Variants in PPFIA2 observed in about 807,000 individuals in gnomAD.
The protein encoded by PPFIA2 is PPFI scaffold protein A2, also known as liprin-alpha-2.
PPFIA2 carries 46 observed loss-of-function variants against 175.5 expected under a neutral mutation model. The observed-to-expected ratio is 0.26, with a 90% confidence interval of 0.21 to 0.34. The LOEUF (loss-of-function observed/expected upper bound fraction) is 0.34, where lower values mean the gene tolerates loss of function less well. Among genes scored for constraint, PPFIA2 ranks in the 10% least tolerant of loss-of-function variants. The pLI is 1.00. For synonymous variants in PPFIA2, 568 were observed against 511.4 expected (o/e 1.11, Z -1.49); for missense variants, 1,179 against 1,506.1 (o/e 0.78, Z 3.60).
intron 7 of PPFIA2, among the ~76,000 whole-genome samples, chr12:81,432,298 C>T (rs1042270564): frequency 3.3e-5 from 5 of 152,048 alleles, no homozygotes; most frequent in East Asian, 1.9e-4. Context: ...GATAGGGTCT[C>T]GCTTTGTTGC....
intron 3 of PPFIA2, among the ~76,000 whole-genome samples, chr12:81,745,791 G>A (rs1168958249): frequency 6.6e-6 from 1 of 152,158 alleles, no homozygotes; most frequent in African/African-American, 2.4e-5. Flanking sequence ...CACTGTGGCT[G>A]CTTTTAGATT....
chr12:81,371,925 ACAAAC>A (rs2035228115), intron 11 of PPFIA2, among the ~76,000 whole-genome samples: 1 of 151,278 alleles, frequency 6.6e-6, no homozygotes, highest in Admixed American at 6.6e-5. Flanking sequence ...ACACACACAC[ACAAAC>A]ACACACACAC....
chr12:81,310,825 T>A (rs2139052473), intron 22 of PPFIA2, among the ~76,000 whole-genome samples: 1 of 152,246 alleles, frequency 6.6e-6, no homozygotes, highest in East Asian at 1.9e-4. Flanking sequence ...ACCAAGTCAT[T>A]TTGGCAATGG....
intron 4 of PPFIA2, among the ~76,000 whole-genome samples, chr12:81,506,859 C>T (rs2147631115): frequency 6.6e-6 from 1 of 152,302 alleles, no homozygotes; most frequent in Admixed American, 6.5e-5. Context: ...ATACAGCAGG[C>T]ATGGCTGTGT....
At chr12:81,445,336 G>C (rs2051056364) in intron 6 of PPFIA2, among the ~76,000 whole-genome samples, 1 of 151,666 alleles carries the variant, frequency 6.6e-6, no homozygotes, top group South Asian at 2.1e-4. Context: ...ATTCTGATAA[G>C]CCATAGATTC....
chr12:81,617,806 A>G (rs1367135354), intron 4 of PPFIA2, among the ~76,000 whole-genome samples: 1 of 152,222 alleles, frequency 6.6e-6, no homozygotes, highest in African/African-American at 2.4e-5. Flanking sequence ...CTAGGCATTT[A>G]GGATACATTA....
chr12:81,523,400 G>A (rs971308314), intron 4 of PPFIA2, among the ~76,000 whole-genome samples: 42 of 151,970 alleles, frequency 2.8e-4, no homozygotes, highest in African/African-American at 9.4e-4. Flanking sequence ...ATTCCAAAAC[G>A]TATCTTCCTA....
intron 4 of PPFIA2, among the ~76,000 whole-genome samples, chr12:81,525,001 C>T (rs928276254): frequency 6.6e-6 from 1 of 152,154 alleles, no homozygotes; most frequent in Admixed American, 6.5e-5. Context: ...TGAGTCCTTA[C>T]TAGACACTGA....
intron 4 of PPFIA2, among the ~76,000 whole-genome samples, chr12:81,605,349 G>T (rs951133351): frequency 2.6e-5 from 4 of 151,672 alleles, no homozygotes; most frequent in African/African-American, 9.7e-5. Flanking sequence ...AGGAAGAGAA[G>T]AACATAGTGG....
intron 4 of PPFIA2, among the ~76,000 whole-genome samples, chr12:81,639,414 T>C (rs2064626636): frequency 6.6e-6 from 1 of 151,878 alleles, no homozygotes; most frequent in Non-Finnish European, 1.5e-5. Context: ...CCCCAACATA[T>C]CAAAATACTA....
Position 81,325,888 on chromosome 12 carries a change from T to C in PPFIA2, c.2549-18A>G. ...AAAGCCTCCTGTGAAGAGAAGTAAC[T>C]AAGTATTCAGATTATGTTGCATAGG... On this transcript the variant is annotated intron_variant, in intron 21 of 32. Transcript: ENST00000549396. 6.4e-7 allele frequency: 1 copy of C among 1,553,162 alleles called. No individual in the cohort carries two copies. Among genetic ancestry groups the C allele is most frequent in the East Asian group, 2.2e-5 (1 of 44,518 alleles).
intron 4 of PPFIA2, among the ~76,000 whole-genome samples, chr12:81,463,588 C>T (rs2055047998): frequency 1.3e-5 from 2 of 152,054 alleles, no homozygotes; most frequent in Non-Finnish European, 2.9e-5. Context: ...GGGAGGGGTG[C>T]CCTTCTCTTT....
chr12:81,538,725 G>A (rs914094935), intron 4 of PPFIA2, among the ~76,000 whole-genome samples: 1 of 151,846 alleles, frequency 6.6e-6, no homozygotes, highest in Non-Finnish European at 1.5e-5. Flanking sequence ...GATGGGGGCT[G>A]GTGCAGACAA....
intron 4 of PPFIA2, among the ~76,000 whole-genome samples, chr12:81,572,060 A>G (rs1438587860): frequency 6.6e-6 from 1 of 152,104 alleles, no homozygotes; most frequent in Non-Finnish European, 1.5e-5. Context: ...ACAGATATGC[A>G]GATCTGTCTG....
chr12:81,304,440 T>C (rs1435500639), intron 22 of PPFIA2, among the ~76,000 whole-genome samples: 1 of 152,156 alleles, frequency 6.6e-6, no homozygotes, highest in Non-Finnish European at 1.5e-5. Context: ...CATATACACA[T>C]ACATAAACAA....
At chr12:81,455,004 A>G (rs1387300322) in intron 5 of PPFIA2, among the ~76,000 whole-genome samples, 2 of 152,158 alleles carry the variant, frequency 1.3e-5, no homozygotes, top group African/African-American at 2.4e-5. Context: ...ATGTGCCACC[A>G]TGCCCAGCTA....
rs556427260 is a variant in PPFIA2 at position 81,350,097 on chromosome 12, A to C, written c.1995-2327T>G. Among the ~76,000 whole-genome samples, 8 of 152,310 alleles carry C rather than the reference A, an allele frequency of 5.3e-5. No individual in the cohort carries two copies. In the East Asian group the frequency reaches 1.5e-3, roughly 29 times the overall value. Reference sequence around the variant, plus strand: ...CTAGAAATTACTACCCTAATGTTACAAAGCTAAGAGTCACTGAAGAGAAAT... The same window carrying C: ...CTAGAAATTACTACCCTAATGTTACCAAGCTAAGAGTCACTGAAGAGAAAT... On this transcript the variant is annotated intron_variant, in intron 17 of 32. Transcript: ENST00000549396.
rs566090179 is a variant in PPFIA2, at chr12:81,613,192, G to A, written c.303+63599C>T. Among the ~76,000 whole-genome samples, 46 of 152,126 alleles carry A rather than the reference G, an allele frequency of 3.0e-4. 1 individual carries two copies. The South Asian group carries it at 4.2e-3, about 14-fold the overall frequency. On this transcript the variant is annotated intron_variant, in intron 4 of 32. Coordinates refer to ENST00000549396, the MANE Select transcript of PPFIA2 (RefSeq NM_003625.5). ...AGAAATTACATTAAAGCTCTAGAGC[G>A]GAATGTTATTTCTTCACCTATCACT...
chr12:81,649,051 CCTTT>C (rs1340846410), intron 4 of PPFIA2, among the ~76,000 whole-genome samples: 112 of 151,028 alleles, frequency 7.4e-4, no homozygotes, highest in Non-Finnish European at 7.4e-5. Context: ...ATCTTTGTCA[CCTTT>C]ATTTAGAGAA....
Sources: gnomAD v4.1 joint callset for allele counts (sites outside exome capture counted in the v4.1 genomes callset) on GRCh38, gnomAD v4.1.1 for gene constraint, MANE v1.5 for transcripts, NCBI Gene and HGNC (gene_info 2026-07-23, HGNC 2026-07-21) for gene names.